SEMA3A: variants seen among roughly 807,000 people sequenced by gnomAD.
The protein encoded by SEMA3A is semaphorin-3A.
SEMA3A carries 29 observed loss-of-function variants against 97.9 expected under a neutral mutation model. That is an observed-to-expected ratio of 0.30 (90% CI 0.22 to 0.40). The LOEUF (loss-of-function observed/expected upper bound fraction) is 0.40, where lower values mean the gene tolerates loss of function less well. Among genes scored for constraint, SEMA3A ranks in the 10% least tolerant of loss-of-function variants. The probability of loss-of-function intolerance (pLI) is 1.00; values close to 1 mark genes in which losing one functional copy is unlikely to be tolerated. For synonymous variants in SEMA3A, 321 were observed against 323.7 expected, an observed-to-expected ratio of 0.99 and a Z score of 0.09; for missense variants, 763 against 951.3, an observed-to-expected ratio of 0.80 and a Z score of 2.60.
chr7:84,406,633 A>G (rs1804098402), intron 1 of SEMA3A, among the ~76,000 whole-genome samples: 1 of 152,224 alleles, frequency 6.6e-6, no homozygotes, highest in Admixed American at 6.5e-5. Flanking sequence ...CTTGATGAAC[A>G]TTGATGCAAA....
intron 5 of SEMA3A, among the ~76,000 whole-genome samples, chr7:84,058,213 C>A (rs890376464): frequency 6.6e-6 from 1 of 152,150 alleles, no homozygotes; most frequent in African/African-American, 2.4e-5. Context: ...CTTAAAATTT[C>A]TATCTTATTT....
intron 1 of SEMA3A, among the ~76,000 whole-genome samples, chr7:84,477,499 A>G (rs1218804463): frequency 2.6e-5 from 4 of 151,862 alleles, no homozygotes; most frequent in Non-Finnish European, 5.9e-5. Flanking sequence ...TGGTTCCTCA[A>G]GCAATGTTGT....
chr7:84,373,170 C>A (rs955375410), intron 1 of SEMA3A, among the ~76,000 whole-genome samples: 7 of 152,282 alleles, frequency 4.6e-5, no homozygotes, highest in Non-Finnish European at 8.8e-5. Context: ...CCCCAGTCAA[C>A]CTGTAGAAAC....
rs1788485737 is a variant in SEMA3A, at chr7:83,961,843, A to G, written c.1861-17T>C. On this transcript the variant is annotated splice_polypyrimidine_tract_variant and intron_variant, in intron 16 of 16. Transcript: ENST00000265362. ...CACTCTGATCTAGCAGGTTAAAAAA[A>G]AGGCAGTGTAAAATATACATATTTA... 6.3e-7 allele frequency: 1 copy of G among 1,587,880 alleles called. No individual in the cohort carries two copies. The highest frequency in any genetic ancestry group is 8.6e-7 in the Non-Finnish European group (1 of 1,161,682).
chr7:84,322,590 C>T (rs1039069254), intron 2 of SEMA3A, among the ~76,000 whole-genome samples: 6 of 152,056 alleles, frequency 3.9e-5, no homozygotes, highest in African/African-American at 1.2e-4. Context: ...TTGCCTGCTG[C>T]CATGTAAGAT....
intron 1 of SEMA3A, among the ~76,000 whole-genome samples, chr7:84,420,091 T>C (rs1804546719): frequency 6.6e-6 from 1 of 151,922 alleles, no homozygotes; most frequent in African/African-American, 2.4e-5. Flanking sequence ...AGAAGGAGAA[T>C]CTTGTTCCCA....
chr7:84,060,515 C>A lies in SEMA3A; in HGVS notation c.497G>T (p.Arg166Leu). ...CTTAGGGTCATATGGACTCTTCCCA[C>A]GGCCGTTTTCAAAATGTGAGTTCTC... Reference protein sequence around the residue: ...KLENSHFENGRGKSPYDPKLL... With the variant: ...KLENSHFENGLGKSPYDPKLL... Residue 166 changes from arginine to leucine, a missense_variant, in exon 5 of 17, where the codon CGT becomes CTT. This residue lies in a region of SEMA3A where 678 missense variants were observed against 881.3 expected (regional missense o/e 0.77). Transcript: ENST00000265362. 2 of 1,594,722 alleles carry A rather than the reference C, an allele frequency of 1.3e-6. No homozygotes were observed. Among genetic ancestry groups the A allele is most frequent in the Non-Finnish European group, 1.7e-6 (2 of 1,172,704 alleles).
chr7:84,427,576 G>A (rs960960373), intron 1 of SEMA3A, among the ~76,000 whole-genome samples: 10 of 148,138 alleles, frequency 6.8e-5, no homozygotes, highest in Admixed American at 4.1e-4. Context: ...CCAGGGAGGC[G>A]GAGGTTGCAG....
chr7:84,169,590 G>T (rs146621906), intron 1 of SEMA3A, among the ~76,000 whole-genome samples: 1 of 149,970 alleles, frequency 6.7e-6, no homozygotes, highest in Non-Finnish European at 1.5e-5. Context: ...ATATTGAAAC[G>T]TAGATTCATA....
At chr7:84,437,985 C>T (rs1370442170) in intron 1 of SEMA3A, among the ~76,000 whole-genome samples, 1 of 151,786 alleles carries the variant, frequency 6.6e-6, no homozygotes, top group East Asian at 1.9e-4. Context: ...AACTTGCTGG[C>T]TAAAAAGATA....
rs1241147937 is a variant in SEMA3A at position 84,053,086 on chromosome 7, T to A, written c.548-6643A>T. ...CACTGTGGTCTGAGAGATAGTTTGTTATAATTTCTGTTCTTTTACATTTGC... is the reference window on the plus strand; with the variant it reads ...CACTGTGGTCTGAGAGATAGTTTGTAATAATTTCTGTTCTTTTACATTTGC... On this transcript the variant is annotated intron_variant, in intron 5 of 16. Transcript: ENST00000265362. 2.1e-5 allele frequency among the ~76,000 whole-genome samples: 3 copies of A among 145,880 alleles called. No individual in the cohort carries two copies. The East Asian group carries it at 6.5e-4, about 32-fold the overall frequency.
At chr7:84,467,525 TAAAA>T (rs56021863) in intron 1 of SEMA3A, among the ~76,000 whole-genome samples, 8 of 97,418 alleles carry the variant, frequency 8.2e-5, no homozygotes, top group African/African-American at 2.0e-4. Flanking sequence ...AGACTCCTTC[TAAAA>T]AAAAAAAAAA....
chr7:84,168,626 C>T (rs879853413), intron 1 of SEMA3A, among the ~76,000 whole-genome samples: 11 of 151,564 alleles, frequency 7.3e-5, no homozygotes, highest in African/African-American at 2.4e-4. Context: ...TTTTATTCAA[C>T]CTAGAGAGAA....
At chr7:84,017,781 A>G (rs983772400) in intron 6 of SEMA3A, among the ~76,000 whole-genome samples, 1 of 152,142 alleles carries the variant, frequency 6.6e-6, no homozygotes, top group South Asian at 2.1e-4. Flanking sequence ...CTCTAAGTGT[A>G]TTCATCCCCT....
chr7:84,467,525 TAAAAAAAA>T (rs56021863), intron 1 of SEMA3A, among the ~76,000 whole-genome samples: 128 of 97,424 alleles, frequency 1.3e-3, no homozygotes, highest in Non-Finnish European at 2.0e-3. Context: ...AGACTCCTTC[TAAAAAAAA>T]AAAAAAAAAA....
intron 5 of SEMA3A, among the ~76,000 whole-genome samples, chr7:84,050,721 C>A (rs545242043): frequency 6.6e-6 from 1 of 152,192 alleles, no homozygotes; most frequent in African/African-American, 2.4e-5. Flanking sequence ...TAATTAGATC[C>A]CATTTGTTGA....
intron 1 of SEMA3A, among the ~76,000 whole-genome samples, chr7:84,477,810 T>C (rs1806335490): frequency 6.6e-6 from 1 of 152,190 alleles, no homozygotes; most frequent in South Asian, 2.1e-4. Flanking sequence ...GTGAATGAAA[T>C]AAACATACGA....
intron 3 of SEMA3A, among the ~76,000 whole-genome samples, chr7:84,267,711 A>T (rs1227308689): frequency 1.3e-5 from 2 of 152,142 alleles, no homozygotes; most frequent in Non-Finnish European, 2.9e-5. Context: ...TTTCATGGTC[A>T]TTTACATGTC....
chr7:84,332,271 A>T (rs1801926437), intron 2 of SEMA3A, among the ~76,000 whole-genome samples: 1 of 152,180 alleles, frequency 6.6e-6, no homozygotes, highest in Non-Finnish European at 1.5e-5. Context: ...CCAGAAAAAA[A>T]TAACATTATA....
Sources: gnomAD v4.1 joint callset for allele counts (sites outside exome capture counted in the v4.1 genomes callset) on GRCh38, gnomAD v4.1.1 for gene constraint, gnomAD v4.1.1 regional missense constraint, MANE v1.5 for transcripts, NCBI Gene and HGNC (gene_info 2026-07-23, HGNC 2026-07-21) for gene names.